The following GPATCH2 variants were observed in gnomAD, a reference collection of about 807,000 sequenced individuals.
The protein encoded by GPATCH2 is G patch domain-containing protein 2.
In GPATCH2, 51 loss-of-function variants were observed where a neutral mutation model predicts 58.0. That is an observed-to-expected ratio of 0.88 (90% CI 0.70 to 1.11). GPATCH2 has a LOEUF of 1.11. Among genes scored for constraint, GPATCH2 ranks in the 50% most tolerant of loss-of-function variants. The pLI is 0.00. For missense variants in GPATCH2, 625 were observed against 652.2 expected (o/e 0.96, Z 0.45); for synonymous variants, 222 against 218.5 (o/e 1.02, Z -0.14).
At chr1:217,550,352 T>C (rs1184939592) in intron 5 of GPATCH2, among the ~76,000 whole-genome samples, 1 of 152,126 alleles carries the variant, frequency 6.6e-6, no homozygotes, top group African/African-American at 2.4e-5. Flanking sequence ...TACAGAAACC[T>C]ACCTGCTCAG....
intron 8 of GPATCH2, among the ~76,000 whole-genome samples, chr1:217,490,484 A>G (rs1359118711): frequency 6.6e-6 from 1 of 152,056 alleles, no homozygotes; most frequent in East Asian, 1.9e-4. Context: ...TCTTTTCCTC[A>G]AGGACTATGA....
intron 5 of GPATCH2, among the ~76,000 whole-genome samples, chr1:217,548,060 G>A (rs1558475353): frequency 6.6e-6 from 1 of 152,160 alleles, no homozygotes. Context: ...TTAAGCCTGT[G>A]GAGCTGTGAG....
chr1:217,551,377 G>C (rs917429165), intron 5 of GPATCH2, among the ~76,000 whole-genome samples: 7 of 152,072 alleles, frequency 4.6e-5, no homozygotes, highest in African/African-American at 1.7e-4. Flanking sequence ...TTGGGAACTT[G>C]CTAGAAATGC....
chr1:217,607,631 T>C (rs1668423227), intron 5 of GPATCH2, among the ~76,000 whole-genome samples: 1 of 152,118 alleles, frequency 6.6e-6, no homozygotes, highest in African/African-American at 2.4e-5. Flanking sequence ...TTGGTGAAAA[T>C]GTTGTGACCA....
At chr1:217,453,491 A>G (rs950961616) in intron 8 of GPATCH2, among the ~76,000 whole-genome samples, 5 of 152,250 alleles carry the variant, frequency 3.3e-5, no homozygotes, top group African/African-American at 9.6e-5. Flanking sequence ...AAATTTTCCT[A>G]TTAAATATTA....
chr1:217,567,721 A>G (rs1054701380), intron 5 of GPATCH2, among the ~76,000 whole-genome samples: 9 of 152,212 alleles, frequency 5.9e-5, no homozygotes, highest in African/African-American at 2.2e-4. Flanking sequence ...TCAACAAAGT[A>G]ATTCTATTGA....
rs771453859 is a variant in GPATCH2 at position 217,431,183 on chromosome 1, A to C, written c.1549T>G (p.Ser517Ala). 10 of 1,599,940 alleles carry C rather than the reference A, an allele frequency of 6.3e-6. No individual in the cohort carries two copies. The highest frequency in any genetic ancestry group is 7.7e-6 in the Non-Finnish European group (9 of 1,167,074). Residue 517 changes from serine to alanine, a missense_variant, in exon 10 of 10, where the codon TCC (serine) becomes GCC (alanine). Coordinates refer to ENST00000366935, the MANE Select transcript of GPATCH2 (RefSeq NM_018040.5). ...GLGFPLPKST[S>A]ATTTPNAGKS... is the part of the protein sequence containing the mutation. ...CCTGCATTGGGGGTAGTAGTTGCGG[A>C]AGTACTTTTTGGTAGAGGAAATCCA...
intron 5 of GPATCH2, among the ~76,000 whole-genome samples, chr1:217,571,349 T>C (rs1471653764): frequency 1.3e-5 from 2 of 152,180 alleles, no homozygotes; most frequent in African/African-American, 4.8e-5. Flanking sequence ...AGTATAATGT[T>C]AGCCTAAATG....
Position 217,494,506 on chromosome 1 carries a change from T to C in GPATCH2, c.1207-2756A>G, listed in dbSNP as rs11117874. ...GTAATCCCAGCACTTTGGGAGGCCA[T>C]GGCGGGCGGATCACCTGAAGTCGGG... On this transcript the variant is annotated intron_variant, in intron 7 of 9. Transcript: ENST00000366935. Among the ~76,000 whole-genome samples, 1,291 of 152,236 alleles carry C rather than the reference T, an allele frequency of 8.5e-3. 6 individuals are homozygous for C. The highest frequency in any genetic ancestry group is 0.014 in the Admixed American group (218 of 15,292).
intron 7 of GPATCH2, chr1:217,492,543 G>A (rs891949722): frequency 6.6e-6 from 1 of 152,106 alleles, no homozygotes; most frequent in Non-Finnish European, 1.5e-5. Context: ...AAAAATAAAA[G>A]TCTTGGAAAT....
chr1:217,576,394 T>A (rs1361721054), intron 5 of GPATCH2, among the ~76,000 whole-genome samples: 2 of 152,166 alleles, frequency 1.3e-5, no homozygotes, highest in African/African-American at 4.8e-5. Context: ...GTAACAGTGA[T>A]AGCAAAAAGA....
chr1:217,532,900 G>GTT (rs59591091), intron 5 of GPATCH2, among the ~76,000 whole-genome samples: 4 of 110,860 alleles, frequency 3.6e-5, no homozygotes, highest in Non-Finnish European at 5.3e-5. Flanking sequence ...TTTTTTTTTT[G>GTT]TTTTTTTTTT....
intron 4 of GPATCH2, 29 bp downstream of exon 4, chr1:217,610,860 A>G (rs768421969): frequency 1.2e-5 from 18 of 1,516,166 alleles, no homozygotes; most frequent in Middle Eastern, 1.7e-4. Context: ...TAAACCCATT[A>G]TATCTACCAG....
chr1:217,618,739 C>G (rs377010954), intron 2 of GPATCH2, among the ~76,000 whole-genome samples: 1 of 152,026 alleles, frequency 6.6e-6, no homozygotes, highest in African/African-American at 2.4e-5. Context: ...GTGGGTGGAT[C>G]ACTTGAGGTC....
intron 5 of GPATCH2, chr1:217,609,132 A>G (rs1668503177): frequency 1.1e-6 from 1 of 884,046 alleles, no homozygotes; most frequent in East Asian, 1.2e-4. Context: ...ATTTTAATAT[A>G]ACCATTTTGA....
intron 5 of GPATCH2, among the ~76,000 whole-genome samples, chr1:217,552,477 C>T (rs1349932808): frequency 1.3e-5 from 2 of 152,064 alleles, no homozygotes; most frequent in African/African-American, 4.8e-5. Context: ...AAAGTAGCCA[C>T]AGGAGGGCAA....
At chr1:217,630,528 T>G (rs1263096312) in intron 1 of GPATCH2, among the ~76,000 whole-genome samples, 1 of 152,114 alleles carries the variant, frequency 6.6e-6, no homozygotes, top group Admixed American at 6.5e-5. Flanking sequence ...TTTCTGGAAT[T>G]TATCTTCCAA....
chr1:217,527,542 C>G (rs1178517825), intron 5 of GPATCH2, among the ~76,000 whole-genome samples: 1 of 149,716 alleles, frequency 6.7e-6, no homozygotes, highest in African/African-American at 2.5e-5. Flanking sequence ...ACCATGGCAT[C>G]TTTTATCTGG....
chr1:217,580,896 T>C (rs1304451993), intron 5 of GPATCH2, among the ~76,000 whole-genome samples: 1 of 98,542 alleles, frequency 1.0e-5, no homozygotes. Flanking sequence ...TAGTCCCAGC[T>C]ACTGGGGAGG....
Sources: allele counts gnomAD v4.1 joint callset (sites outside exome capture counted in the v4.1 genomes callset), GRCh38; gene constraint gnomAD v4.1.1; transcripts MANE v1.5; gene names NCBI Gene and HGNC (gene_info 2026-07-23, HGNC 2026-07-21).